C1orf87: variants seen among roughly 807,000 people sequenced by gnomAD.
C1orf87 encodes the protein uncharacterized protein C1orf87.
A neutral mutation model predicts 60.5 loss-of-function variants in C1orf87; 58 were observed. That is an observed-to-expected ratio of 0.96 (90% CI 0.78 to 1.19). C1orf87 has a LOEUF of 1.19. C1orf87 is among the 50% of genes most tolerant of loss of function. The pLI is 0.00. For missense variants in C1orf87, 673 were observed against 638.6 expected (o/e 1.05, Z -0.58); for synonymous variants, 236 against 227.4 (o/e 1.04, Z -0.34).
chr1:59,997,318 G>A (rs1426362956), intron 11 of C1orf87, among the ~76,000 whole-genome samples: 1 of 152,084 alleles, frequency 6.6e-6, no homozygotes, highest in Admixed American at 6.6e-5. Flanking sequence ...CTTATCAGTG[G>A]GGTATCTCTG....
intron 2 of C1orf87, among the ~76,000 whole-genome samples, chr1:60,063,106 A>G (rs1645508088): frequency 1.3e-5 from 2 of 152,164 alleles, no homozygotes; most frequent in South Asian, 4.1e-4. Flanking sequence ...TATTATTTTG[A>G]ACTTGTAAAA....
chr1:60,055,666 T>A (rs1645449567), intron 2 of C1orf87, among the ~76,000 whole-genome samples: 1 of 152,182 alleles, frequency 6.6e-6, no homozygotes, highest in South Asian at 2.1e-4. Flanking sequence ...CTCTTCCTCA[T>A]ACTCATAATC....
At chr1:60,043,785 T>C (rs1574318110) in intron 3 of C1orf87, among the ~76,000 whole-genome samples, 1 of 70,076 alleles carries the variant, frequency 1.4e-5, no homozygotes, top group South Asian at 7.7e-4. Context: ...CCACACACAA[T>C]TTTTTTTTTT....
At chr1:60,044,109 A>C (rs1019533262) in intron 3 of C1orf87, among the ~76,000 whole-genome samples, 5 of 152,178 alleles carry the variant, frequency 3.3e-5, no homozygotes, top group South Asian at 2.1e-4. Flanking sequence ...GGCTCACTGC[A>C]AGCTCTGCCT....
At chr1:60,010,080 G>A (rs1188543737) in intron 9 of C1orf87, among the ~76,000 whole-genome samples, 2 of 150,962 alleles carry the variant, frequency 1.3e-5, no homozygotes, top group Admixed American at 6.6e-5. Context: ...TGATCTAAGC[G>A]ACTGTGCACC....
intron 11 of C1orf87, among the ~76,000 whole-genome samples, chr1:59,995,520 C>T (rs1192935314): frequency 2.0e-5 from 3 of 152,198 alleles, no homozygotes; most frequent in South Asian, 2.1e-4. Context: ...TTGGTACTCG[C>T]TTCTCCATCA....
rs548056313 is a variant in C1orf87 at position 60,036,204 on chromosome 1, G to A, written c.863+1788C>T. Reference sequence around the variant, plus strand: ...GCCCTAAAGGAAGAGACTAGGCTTTGTCAATCTGGAATTCACTGTGCCCAG... The same window carrying A: ...GCCCTAAAGGAAGAGACTAGGCTTTATCAATCTGGAATTCACTGTGCCCAG... On this transcript the variant is annotated intron_variant, in intron 6 of 11. Transcript: ENST00000371201. 2.6e-5 allele frequency among the ~76,000 whole-genome samples: 4 copies of A among 152,280 alleles called. No individual in the cohort carries two copies. The South Asian group carries it at 8.3e-4, about 32-fold the overall frequency.
Position 60,052,389 on chromosome 1 carries a change from C to G in C1orf87, c.342+2815G>C, listed in dbSNP as rs1361313832. 1.3e-4 allele frequency among the ~76,000 whole-genome samples: 20 copies of G among 152,234 alleles called. 1 individual carries two copies. Among genetic ancestry groups the G allele is most frequent in the Admixed American group, 1.3e-3 (20 of 15,300 alleles). On this transcript the variant is annotated intron_variant, in intron 3 of 11. Transcript: ENST00000371201. ...AGCAGAATTTGGAGGCAAAAAGATC[C>G]TAGGACTAGGAGTCAGAAGAGCCAA... is the stretch of plus-strand genomic sequence containing the variant.
chr1:59,998,817 C>T (rs1008515364), intron 10 of C1orf87, among the ~76,000 whole-genome samples: 2 of 152,028 alleles, frequency 1.3e-5, no homozygotes, highest in African/African-American at 4.8e-5. Context: ...GAATATGAAG[C>T]TGACAACGAG....
intron 2 of C1orf87, among the ~76,000 whole-genome samples, chr1:60,059,485 C>A (rs771362117): frequency 6.6e-6 from 1 of 152,138 alleles, no homozygotes; most frequent in Non-Finnish European, 1.5e-5. Flanking sequence ...CCTCTCTCAC[C>A]GGGCTCTTTC....
chr1:60,027,966 G>A (rs1460831600), intron 7 of C1orf87, among the ~76,000 whole-genome samples: 2 of 152,112 alleles, frequency 1.3e-5, no homozygotes, highest in Non-Finnish European at 2.9e-5. Context: ...CTCAGGGCTG[G>A]GATTGGGTAT....
At chr1:60,012,263 GAGATGTT>G (rs1326831114) in intron 8 of C1orf87, among the ~76,000 whole-genome samples, 2 of 151,710 alleles carry the variant, frequency 1.3e-5, no homozygotes, top group African/African-American at 4.8e-5. Flanking sequence ...TATTTTTTCA[GAGATGTT>G]AGGAATTATC....
intron 2 of C1orf87, among the ~76,000 whole-genome samples, chr1:60,061,259 TA>T (rs1645494805): frequency 6.6e-6 from 1 of 152,198 alleles, no homozygotes; most frequent in Non-Finnish European, 1.5e-5. Context: ...CTGGCGAAAC[TA>T]AAGGTGGCCA....
chr1:60,040,344 T>A (rs1055190208), intron 4 of C1orf87, among the ~76,000 whole-genome samples, 164 bp from the exon 5 acceptor site: 1 of 152,198 alleles, frequency 6.6e-6, no homozygotes, highest in African/African-American at 2.4e-5. Context: ...TTCAATCTGG[T>A]GTATTCATTA....
intron 11 of C1orf87, among the ~76,000 whole-genome samples, chr1:59,992,909 G>C (rs1421149780): frequency 6.6e-6 from 1 of 152,134 alleles, no homozygotes; most frequent in Non-Finnish European, 1.5e-5. Context: ...TATTAGAACA[G>C]TGGTCCTTTC....
intron 7 of C1orf87, among the ~76,000 whole-genome samples, chr1:60,027,664 T>C (rs2100279080): frequency 6.6e-6 from 1 of 152,256 alleles, no homozygotes; most frequent in East Asian, 1.9e-4. Context: ...CAATCGGGTT[T>C]GAAACTTGCA....
intron 2 of C1orf87, among the ~76,000 whole-genome samples, chr1:60,064,033 A>G (rs1645515225): frequency 6.6e-6 from 1 of 151,924 alleles, no homozygotes; most frequent in Non-Finnish European, 1.5e-5. Flanking sequence ...CAGATAGAAT[A>G]TAGAGCAGGC....
chr1:60,019,303 T>G (rs1645146003), intron 8 of C1orf87, among the ~76,000 whole-genome samples: 1 of 152,228 alleles, frequency 6.6e-6, no homozygotes, highest in Non-Finnish European at 1.5e-5. Context: ...TATGCTTGCT[T>G]GCCCTTTACC....
At chr1:60,068,445 C>T (rs1645563258) in intron 2 of C1orf87, among the ~76,000 whole-genome samples, 1 of 152,172 alleles carries the variant, frequency 6.6e-6, no homozygotes, top group African/African-American at 2.4e-5. Flanking sequence ...TGAATAAGAG[C>T]AGGGTCACAC....
Sources: allele counts gnomAD v4.1 joint callset (sites outside exome capture counted in the v4.1 genomes callset), GRCh38; gene constraint gnomAD v4.1.1; transcripts MANE v1.5; gene names NCBI Gene and HGNC (gene_info 2026-07-23, HGNC 2026-07-21).